Variants in DTNA observed in about 807,000 individuals in gnomAD.
The protein encoded by DTNA is dystrophin-related protein 3.
In DTNA, 43 loss-of-function variants were observed where a neutral mutation model predicts 100.7. That is an observed-to-expected ratio of 0.43 (90% CI 0.33 to 0.55). The LOEUF (loss-of-function observed/expected upper bound fraction) is 0.55, where lower values mean the gene tolerates loss of function less well. Ranked by LOEUF, DTNA falls within the 20% of genes least tolerant of loss-of-function variation. The pLI is 0.04. For synonymous variants in DTNA, 349 were observed against 347.9 expected, an observed-to-expected ratio of 1.00 and a Z score of -0.04; for missense variants, 798 against 953.9, an observed-to-expected ratio of 0.84 and a Z score of 2.15.
intron 2 of DTNA, among the ~76,000 whole-genome samples, chr18:34,756,356 C>T (rs1262952631): frequency 1.3e-5 from 2 of 152,170 alleles, no homozygotes; most frequent in South Asian, 2.1e-4. Flanking sequence ...GACATTAATA[C>T]AGTCCACTAA....
intron 11 of DTNA, among the ~76,000 whole-genome samples, chr18:34,834,490 T>C (rs928317156): frequency 2.0e-5 from 3 of 149,652 alleles, no homozygotes; most frequent in African/African-American, 7.4e-5. Flanking sequence ...GCAACAAGAG[T>C]GAAACTCCGT....
At chr18:34,577,698 A>G (rs903437142) in intron 1 of DTNA, among the ~76,000 whole-genome samples, 1 of 152,144 alleles carries the variant, frequency 6.6e-6, no homozygotes, top group Non-Finnish European at 1.5e-5. Context: ...TTGGTTTTCT[A>G]TTCCTGAGTT....
At chr18:34,535,732 C>G (rs748240085) in intron 1 of DTNA, among the ~76,000 whole-genome samples, 7 of 152,162 alleles carry the variant, frequency 4.6e-5, no homozygotes, top group Non-Finnish European at 7.4e-5. Flanking sequence ...TTTCCCAGCA[C>G]CATTTATTAA....
intron 9 of DTNA, among the ~76,000 whole-genome samples, chr18:34,825,662 G>C (rs996392856): frequency 6.6e-6 from 1 of 152,132 alleles, no homozygotes; most frequent in Non-Finnish European, 1.5e-5. Context: ...CATTTCAGTG[G>C]TAGACCTTAA....
At chr18:34,814,196 G>T (rs908468404) in intron 6 of DTNA, among the ~76,000 whole-genome samples, 4 of 152,100 alleles carry the variant, frequency 2.6e-5, no homozygotes, top group Middle Eastern at 3.2e-3. Context: ...ATATGCAGAT[G>T]ATCTGACTCA....
intron 1 of DTNA, among the ~76,000 whole-genome samples, chr18:34,652,002 G>A (rs1441685803): frequency 6.6e-6 from 1 of 151,952 alleles, no homozygotes; most frequent in Non-Finnish European, 1.5e-5. Flanking sequence ...GGGGGTCAAG[G>A]CTGCAGTGAG....
chr18:34,843,501 G>T (rs1400428024), intron 13 of DTNA, among the ~76,000 whole-genome samples: 1 of 152,062 alleles, frequency 6.6e-6, no homozygotes, highest in Non-Finnish European at 1.5e-5. Context: ...CAAGACTAAG[G>T]TGCCAGCAGG....
chr18:34,780,118 AC>A (rs1197609686), intron 3 of DTNA, among the ~76,000 whole-genome samples: 11 of 152,250 alleles, frequency 7.2e-5, no homozygotes, highest in Non-Finnish European at 1.2e-4. Context: ...TATATATATA[AC>A]ATATTTAAAT....
intron 1 of DTNA, among the ~76,000 whole-genome samples, chr18:34,521,252 C>T (rs1295697702): frequency 6.6e-6 from 1 of 152,090 alleles, no homozygotes; most frequent in Admixed American, 6.6e-5. Context: ...CATAACCAGT[C>T]CATCAGTAAG....
intron 1 of DTNA, among the ~76,000 whole-genome samples, chr18:34,629,298 G>A (rs2057760380): frequency 6.6e-6 from 1 of 152,116 alleles, no homozygotes; most frequent in South Asian, 2.1e-4. Context: ...TTCAACTACA[G>A]CAATACTTAC....
intron 1 of DTNA, among the ~76,000 whole-genome samples, chr18:34,727,771 G>A (rs904471071): frequency 6.6e-6 from 1 of 152,102 alleles, no homozygotes; most frequent in Non-Finnish European, 1.5e-5. Flanking sequence ...CACCATGTTG[G>A]TCAGGCTAGT....
At chr18:34,673,267 G>GTAT (rs928842468) in intron 1 of DTNA, among the ~76,000 whole-genome samples, 1 of 151,732 alleles carries the variant, frequency 6.6e-6, no homozygotes, top group Non-Finnish European at 1.5e-5. Context: ...TGTATTATTA[G>GTAT]TATTATTATT....
chr18:34,632,402 T>C lies in DTNA; in HGVS notation c.-1-123574T>C, dbSNP rs80353351. 9.0e-3 allele frequency among the ~76,000 whole-genome samples: 1,365 copies of C among 152,274 alleles called. 14 individuals carry two copies. Among genetic ancestry groups the C allele is most frequent in the African/African-American group, 0.031 (1,286 of 41,554 alleles). On this transcript the variant is annotated intron_variant, in intron 1 of 19. Transcript: ENST00000283365. ...CTCTTTCAAATGTGGTGGCTGCAAA[T>C]GATGCTGCTGTGCTTTGTTGTAGGT...
At chr18:34,782,729 G>A (rs1209922874) in intron 3 of DTNA, among the ~76,000 whole-genome samples, 3 of 152,218 alleles carry the variant, frequency 2.0e-5, no homozygotes, top group African/African-American at 7.2e-5. Context: ...AGAAGCTGGA[G>A]AATAGTGGGA....
Position 34,889,084 on chromosome 18 carries a change from T to C in DTNA, c.*1350T>C. The C allele has an allele frequency of 2.0e-6, 2 of 985,488 alleles. No homozygotes were observed. The highest frequency in any genetic ancestry group is 2.4e-6 in the Non-Finnish European group (2 of 829,910). The allele number at this position is 985,488 out of a possible 1,614,324, so 61.0% of individuals were successfully genotyped here. ...GGCCCTAAAGACCTCCTTTGGGAAT[T>C]CTGGGGAAAAAGAAAAAGTAATCTT... On this transcript the variant is annotated 3_prime_UTR_variant, in exon 23 of 23. Coordinates refer to ENST00000444659, the MANE Select transcript of DTNA (RefSeq NM_001386795.1).
At chr18:34,506,830 T>C (rs1179773815) in intron 1 of DTNA, among the ~76,000 whole-genome samples, 1 of 152,166 alleles carries the variant, frequency 6.6e-6, no homozygotes, top group Non-Finnish European at 1.5e-5. Flanking sequence ...ATTTAATATA[T>C]AAAATACAGG....
chr18:34,636,542 G>A (rs138022173), intron 1 of DTNA, among the ~76,000 whole-genome samples: 348 of 152,300 alleles, frequency 2.3e-3, no homozygotes, highest in African/African-American at 8.2e-3. Flanking sequence ...TCTTGTGGAG[G>A]TGCTGAAAGT....
intron 1 of DTNA, among the ~76,000 whole-genome samples, chr18:34,545,368 T>G (rs1251758202): frequency 6.6e-6 from 1 of 152,160 alleles, no homozygotes; most frequent in Non-Finnish European, 1.5e-5. Flanking sequence ...AATCCAAGTT[T>G]ATATTCCTAC....
intron 1 of DTNA, among the ~76,000 whole-genome samples, chr18:34,669,581 T>C (rs1157364611): frequency 6.6e-6 from 1 of 152,224 alleles, no homozygotes; most frequent in Non-Finnish European, 1.5e-5. Flanking sequence ...TCCCTTTCCA[T>C]GTTTAGTGCT....
Sources: gnomAD v4.1 joint callset for allele counts (sites outside exome capture counted in the v4.1 genomes callset) on GRCh38, gnomAD v4.1.1 for gene constraint, MANE v1.5 for transcripts, NCBI Gene and HGNC (gene_info 2026-07-23, HGNC 2026-07-21) for gene names.